The following ATP6V1D variants were observed in gnomAD, a reference collection of about 807,000 sequenced individuals.
ATP6V1D encodes the protein V-type proton ATPase subunit D.
In ATP6V1D, 20 loss-of-function variants were observed where a neutral mutation model predicts 39.4. The ratio of observed to expected loss-of-function variants is 0.51; its 90% CI spans 0.36 to 0.74. The LOEUF is 0.74. ATP6V1D is among the 30% of genes least tolerant of loss of function. The pLI is 0.00. For missense variants in ATP6V1D, 228 were observed against 291.6 expected (o/e 0.78, Z 1.59); for synonymous variants, 100 against 100.5 (o/e 0.99, Z 0.03).
intron 1 of ATP6V1D, among the ~76,000 whole-genome samples, chr14:67,353,278 G>A (rs562590562): frequency 6.6e-6 from 1 of 152,320 alleles, no homozygotes; most frequent in South Asian, 2.1e-4. Context: ...ATCAAGAGAT[G>A]ACTGGGTCAT....
chr14:67,343,293 G>A lies in ATP6V1D; in HGVS notation c.523+79C>T, dbSNP rs544445148. ...TATTCATCTTTCAGTCTTCAGTACA[G>A]TCCCTGAATTCTAGCAGTTTCACGA... On this transcript the variant is annotated intron_variant, in intron 7 of 8. Coordinates refer to ENST00000216442, the MANE Select transcript of ATP6V1D (RefSeq NM_015994.4). 5.1e-5 allele frequency: 56 copies of A among 1,107,670 alleles called. No individual in the cohort carries two copies. The East Asian group carries it at 1.2e-3, about 24-fold the overall frequency. The allele number at this position is 1,107,670 out of a possible 1,614,324, so 68.6% of individuals were successfully genotyped here.
At chr14:67,357,462 A>T (rs148823330) in intron 1 of ATP6V1D, among the ~76,000 whole-genome samples, 1 of 152,336 alleles carries the variant, frequency 6.6e-6, no homozygotes, top group East Asian at 1.9e-4. Flanking sequence ...TTTTCCTCTC[A>T]ATCAGCAAGC....
At chr14:67,339,141 G>T (rs1470885238) in intron 8 of ATP6V1D, among the ~76,000 whole-genome samples, 1 of 151,680 alleles carries the variant, frequency 6.6e-6, no homozygotes, top group African/African-American at 2.4e-5. Flanking sequence ...GAATACAGGC[G>T]CATGCTGCCA....
intron 2 of ATP6V1D, 178 bp downstream of exon 2, chr14:67,352,745 A>G (rs1296902722): frequency 3.7e-6 from 2 of 537,614 alleles, no homozygotes; most frequent in Non-Finnish European, 6.5e-6. Context: ...GGCAAGATTA[A>G]AGAGTTTGGA....
chr14:67,350,819 C>A, intron 2 of ATP6V1D, 129 bp from the exon 3 acceptor site: 1 of 838,492 alleles, frequency 1.2e-6, no homozygotes, highest in South Asian at 2.0e-5. Flanking sequence ...GGTTTGATAA[C>A]GACAAACAGA....
intron 7 of ATP6V1D, among the ~76,000 whole-genome samples, chr14:67,342,669 G>A (rs2085593953): frequency 2.0e-5 from 3 of 147,088 alleles, no homozygotes; most frequent in Non-Finnish European, 3.0e-5. Context: ...CATTAATATA[G>A]TTAATATATA....
chr14:67,342,778 T>C (rs186192542), intron 7 of ATP6V1D, among the ~76,000 whole-genome samples: 208 of 151,804 alleles, frequency 1.4e-3, no homozygotes, highest in African/African-American at 4.7e-3. Context: ...AGCATTAATA[T>C]AGAAATTCCC....
chr14:67,346,252 A>G (rs1394369281), intron 5 of ATP6V1D, among the ~76,000 whole-genome samples: 1 of 152,242 alleles, frequency 6.6e-6, no homozygotes, highest in Non-Finnish European at 1.5e-5. Flanking sequence ...AATATTCTAT[A>G]TGATTTAATT....
At chr14:67,339,341 G>A (rs2085562805) in intron 8 of ATP6V1D, among the ~76,000 whole-genome samples, 1 of 152,024 alleles carries the variant, frequency 6.6e-6, no homozygotes, top group African/African-American at 2.4e-5. Context: ...TTCTCGAATG[G>A]AACAGATTTT....
intron 4 of ATP6V1D, among the ~76,000 whole-genome samples, chr14:67,347,803 A>G (rs2031563): frequency 0.16 from 23,612 of 151,958 alleles, 3,474 homozygotes; most frequent in East Asian, 0.42. Context: ...CCTGGCCTAA[A>G]TTCTGTTTCT....
chr14:67,343,272 C>T, intron 7 of ATP6V1D, 100 bp downstream of exon 7: 1 of 842,256 alleles, frequency 1.2e-6, no homozygotes, highest in Non-Finnish European at 1.8e-6. Flanking sequence ...GCATCTTATT[C>T]ATCTTTCAGT....
chr14:67,342,213 TAAAA>T (rs56947464), intron 7 of ATP6V1D, among the ~76,000 whole-genome samples: 20,790 of 119,584 alleles, frequency 0.17, 3,024 homozygotes, highest in East Asian at 0.46. Context: ...AATAAATAAA[TAAAA>T]TAAAATAAAA....
At chr14:67,349,920 G>GTCATT (rs1195200735) in intron 3 of ATP6V1D, among the ~76,000 whole-genome samples, 2 of 152,190 alleles carry the variant, frequency 1.3e-5, no homozygotes, top group African/African-American at 4.8e-5. Context: ...TAGGCATCAT[G>GTCATT]TCATTAGGAA....
At chr14:67,345,619 G>T in intron 6 of ATP6V1D, 149 bp downstream of exon 6, 1 of 556,720 alleles carries the variant, frequency 1.8e-6, no homozygotes, top group South Asian at 2.7e-5. Flanking sequence ...CATCACTTCA[G>T]AAATCAAAAT....
At chr14:67,353,150 T>A in intron 1 of ATP6V1D, 110 bp from the exon 2 acceptor site, 1 of 773,250 alleles carries the variant, frequency 1.3e-6, no homozygotes, top group Non-Finnish European at 2.1e-6. Flanking sequence ...GTGATGAAAG[T>A]GAGACTATAT....
intron 3 of ATP6V1D, among the ~76,000 whole-genome samples, chr14:67,349,667 A>C (rs996365558): frequency 1.1e-4 from 16 of 152,228 alleles, no homozygotes; most frequent in African/African-American, 3.9e-4. Context: ...AAACTCAAAA[A>C]TACAAAAATT....
At chr14:67,338,821 G>T in intron 8 of ATP6V1D, 59 bp from the exon 9 acceptor site, 1 of 1,468,996 alleles carries the variant, frequency 6.8e-7, no homozygotes, top group South Asian at 1.3e-5. Context: ...AAGTAGATTT[G>T]ATTTCTTTGA....
At chr14:67,352,875 G>A (rs2085665102) in intron 2 of ATP6V1D, 48 bp downstream of exon 2, 3 of 1,323,364 alleles carry the variant, frequency 2.3e-6, no homozygotes, top group Non-Finnish European at 3.2e-6. Context: ...CAAGGGCCAT[G>A]CTGGATTTTT....
Position 67,352,909 on chromosome 14 carries a change from A to G in ATP6V1D, c.159+14T>C, listed in dbSNP as rs753219216. On this transcript the variant is annotated intron_variant, in intron 2 of 8. Coordinates refer to ENST00000216442, the MANE Select transcript of ATP6V1D (RefSeq NM_015994.4). Reference sequence around the variant, plus strand: ...TTCTAAAATAAATACTATTCTAAGAAAAGTTCATTCTACCTCTATTATCTT... The same window carrying G: ...TTCTAAAATAAATACTATTCTAAGAGAAGTTCATTCTACCTCTATTATCTT... 4.5e-6 allele frequency: 7 copies of G among 1,557,196 alleles called. No individual in the cohort carries two copies. In the South Asian group the frequency reaches 5.8e-5, roughly 13 times the overall value.
Sources: gnomAD v4.1 joint callset for allele counts (sites outside exome capture counted in the v4.1 genomes callset) on GRCh38, gnomAD v4.1.1 for gene constraint, MANE v1.5 for transcripts, NCBI Gene and HGNC (gene_info 2026-07-23, HGNC 2026-07-21) for gene names.